The following USP34 variants were observed in gnomAD, a reference collection of about 807,000 sequenced individuals.
USP34 encodes the protein ubiquitin specific peptidase 34.
A neutral mutation model predicts 460.3 loss-of-function variants in USP34; 70 were observed. The ratio of observed to expected loss-of-function variants is 0.15; its 90% CI spans 0.13 to 0.19. The LOEUF (loss-of-function observed/expected upper bound fraction) is 0.19, where lower values mean the gene tolerates loss of function less well. Ranked by LOEUF, USP34 falls within the 10% of genes least tolerant of loss-of-function variation. USP34 has a pLI of 1.00. For synonymous variants in USP34, 1,647 were observed against 1,405.3 expected, an observed-to-expected ratio of 1.17 and a Z score of -3.85; for missense variants, 3,985 against 4,236.2, an observed-to-expected ratio of 0.94 and a Z score of 1.65.
intron 58 of USP34, among the ~76,000 whole-genome samples, chr2:61,230,766 C>T (rs554429541): frequency 6.6e-6 from 1 of 151,666 alleles, no homozygotes; most frequent in Admixed American, 6.6e-5. Context: ...ATCACTTGAA[C>T]CCTGGAGGCG....
chr2:61,395,641 C>T (rs963060592), intron 3 of USP34, among the ~76,000 whole-genome samples: 3 of 148,386 alleles, frequency 2.0e-5, no homozygotes, highest in Non-Finnish European at 4.4e-5. Context: ...AAAAAATTAG[C>T]CGGGCGCAGT....
intron 15 of USP34, among the ~76,000 whole-genome samples, chr2:61,347,239 C>T (rs1691799187): frequency 6.6e-6 from 1 of 152,028 alleles, no homozygotes; most frequent in African/African-American, 2.4e-5. Context: ...ATAAAATATG[C>T]ACTAAATATT....
intron 72 of USP34, among the ~76,000 whole-genome samples, 153 bp from the exon 73 acceptor site, chr2:61,204,754 T>C (rs1240060420): frequency 6.6e-6 from 1 of 152,214 alleles, no homozygotes; most frequent in African/African-American, 2.4e-5. Context: ...TGTCTTATGC[T>C]CAATCAAGTT....
Position 61,395,251 on chromosome 2 carries a change from AG to A in USP34, c.553-19del, listed in dbSNP as rs759805639. On this transcript the variant is annotated intron_variant, in intron 3 of 79. Transcript: ENST00000398571. ...GATATATCCTAATTAAAAAAAAAAAAGCAAGTAAAATTAGGTTACAACTACT... is the reference window on the plus strand; with the variant it reads ...GATATATCCTAATTAAAAAAAAAAAACAAGTAAAATTAGGTTACAACTACT... 1 of 1,360,882 alleles carries A rather than the reference AG, an allele frequency of 7.3e-7. No homozygotes were observed. The highest frequency in any genetic ancestry group is 2.3e-5 in the East Asian group (1 of 43,158). 84.3% of individuals were successfully genotyped at this position (1,360,882 alleles called of 1,614,324 possible). A position where few individuals can be genotyped will look rare whatever the true frequency, so the allele number is the denominator to read the frequency against.
chr2:61,288,340 G>A lies in USP34; in HGVS notation c.4749+337C>T, dbSNP rs113236909. On this transcript the variant is annotated intron_variant, in intron 34 of 79. Coordinates refer to ENST00000398571, the MANE Select transcript of USP34 (RefSeq NM_014709.4). ...GTTTTTAAAGCCTTGTAACACATAC[G>A]TGTAAAACTGATTCTCTATTTTAAA... 6.2e-3 allele frequency among the ~76,000 whole-genome samples: 941 copies of A among 152,234 alleles called. 9 individuals carry two copies. The highest frequency in any genetic ancestry group is 0.021 in the African/African-American group (862 of 41,552).
At chr2:61,236,287 A>G (rs1303076283) in intron 54 of USP34, 38 bp downstream of exon 54, 1 of 1,591,108 alleles carries the variant, frequency 6.3e-7, no homozygotes, top group African/African-American at 1.4e-5. Context: ...TTTTTTTAAA[A>G]TGTGTAAAAT....
chr2:61,331,322 C>A lies in USP34; in HGVS notation c.2884G>T (p.Val962Leu), dbSNP rs1004330392. Residue 962 changes from valine to leucine, a missense_variant, in exon 20 of 80, where the codon GTA (valine) becomes TTA (leucine). Around this residue, in one of 14 missense-constraint regions of USP34, gnomAD observed 1,114 missense variants for 1,122.5 expected, o/e 0.99. Transcript: ENST00000398571. ...NMMKLFFDNL[V>L]YYIQTVREGR... Reference sequence around the variant, plus strand: ...TCTCTCACAGTTTGAATGTAGTATACCAAATTATCAAAGAAAAGCTTCATC... The same window carrying A: ...TCTCTCACAGTTTGAATGTAGTATAACAAATTATCAAAGAAAAGCTTCATC... 6.2e-7 allele frequency: 1 copy of A among 1,612,278 alleles called. No individual in the cohort carries two copies. Among genetic ancestry groups the A allele is most frequent in the South Asian group, 1.1e-5 (1 of 90,872 alleles).
chr2:61,305,122 G>A (rs1416679885), intron 27 of USP34, among the ~76,000 whole-genome samples: 5 of 152,080 alleles, frequency 3.3e-5, no homozygotes, highest in African/African-American at 4.8e-5. Context: ...TCAGGAGCTC[G>A]AGACCAGCCT....
intron 57 of USP34, 152 bp from the exon 58 acceptor site, chr2:61,232,684 C>G: frequency 3.0e-6 from 2 of 669,196 alleles, no homozygotes; most frequent in Non-Finnish European, 5.1e-6. Context: ...AAGTCAAACT[C>G]TAAAATCATA....
intron 1 of USP34, among the ~76,000 whole-genome samples, chr2:61,454,764 G>C (rs1695382930): frequency 6.6e-6 from 1 of 151,152 alleles, no homozygotes; most frequent in African/African-American, 2.4e-5. Flanking sequence ...GACCAGGCTG[G>C]TCTCGAACTC....
chr2:61,430,745 T>C (rs1573034368), intron 1 of USP34, among the ~76,000 whole-genome samples: 1 of 152,344 alleles, frequency 6.6e-6, no homozygotes. Context: ...GGAAATTGAA[T>C]GCTATTTCGT....
At chr2:61,290,568 T>A (rs999581617) in intron 33 of USP34, among the ~76,000 whole-genome samples, 1 of 152,100 alleles carries the variant, frequency 6.6e-6, no homozygotes, top group African/African-American at 2.4e-5. Flanking sequence ...ATGGTACATA[T>A]TGCACTGATC....
intron 27 of USP34, among the ~76,000 whole-genome samples, chr2:61,308,872 C>A (rs1339269200): frequency 6.6e-6 from 1 of 152,044 alleles, no homozygotes; most frequent in African/African-American, 2.4e-5. Flanking sequence ...GAAACCCTGT[C>A]TCTACTAAAA....
chr2:61,266,226 A>T, intron 41 of USP34, 59 bp from the exon 42 acceptor site: 2 of 1,478,768 alleles, frequency 1.4e-6, no homozygotes, highest in South Asian at 1.3e-5. Flanking sequence ...TTCCAAATAT[A>T]GTTAACATAT....
At chr2:61,253,850 C>T (rs879274776) in intron 48 of USP34, among the ~76,000 whole-genome samples, 1 of 151,854 alleles carries the variant, frequency 6.6e-6, no homozygotes, top group African/African-American at 2.4e-5. Context: ...TTCTCCTGCC[C>T]CACCCTCCCA....
intron 33 of USP34, among the ~76,000 whole-genome samples, chr2:61,290,711 G>A (rs916837960): frequency 2.0e-5 from 3 of 152,034 alleles, no homozygotes; most frequent in Non-Finnish European, 4.4e-5. Context: ...ATGTTAGAGC[G>A]TTACATAAAC....
rs547017953 is a variant in USP34, at chr2:61,321,864, A to C, written c.3014-2537T>G. On this transcript the variant is annotated intron_variant, in intron 21 of 79. Transcript: ENST00000398571. Reference sequence around the variant, plus strand: ...GTTAAGGTTTGAGTATTATAAATAGAGTGTATACCATGTTCAAAGGTCATT... The same window carrying C: ...GTTAAGGTTTGAGTATTATAAATAGCGTGTATACCATGTTCAAAGGTCATT... Among the ~76,000 whole-genome samples, 27 of 152,306 alleles carry C rather than the reference A, an allele frequency of 1.8e-4. No homozygotes were observed. The East Asian group carries it at 3.5e-3, about 20-fold the overall frequency.
At chr2:61,397,595 G>A (rs367695614) in intron 3 of USP34, among the ~76,000 whole-genome samples, 16 of 152,168 alleles carry the variant, frequency 1.1e-4, no homozygotes, top group South Asian at 6.2e-4. Context: ...GTGAAACCGC[G>A]TCTCTACTAA....
chr2:61,226,030 A>G (rs1431878257), intron 62 of USP34, among the ~76,000 whole-genome samples: 1 of 152,156 alleles, frequency 6.6e-6, no homozygotes, highest in Non-Finnish European at 1.5e-5. Context: ...CACAGGTGCC[A>G]AAGTAGCATA....
Sources: gnomAD v4.1 joint callset for allele counts (sites outside exome capture counted in the v4.1 genomes callset) on GRCh38, gnomAD v4.1.1 for gene constraint, gnomAD v4.1.1 regional missense constraint, MANE v1.5 for transcripts, NCBI Gene and HGNC (gene_info 2026-07-23, HGNC 2026-07-21) for gene names.